CCNY: variants seen among roughly 807,000 people sequenced by gnomAD.
The protein encoded by CCNY is cyclin Y, also known as cyclin-Y.
CCNY carries 19 observed loss-of-function variants against 42.8 expected under a neutral mutation model. The observed-to-expected ratio is 0.44, with a 90% CI of 0.31 to 0.65. CCNY has a LOEUF of 0.65. Ranked by LOEUF, CCNY falls within the 30% of genes least tolerant of loss-of-function variation. The pLI is 0.07. For missense variants in CCNY, 370 were observed against 437.3 expected (o/e 0.85, Z 1.37); for synonymous variants, 165 against 162.7 (o/e 1.01, Z -0.11).
intron 2 of CCNY, among the ~76,000 whole-genome samples, chr10:35,494,089 A>G (rs1204105647): frequency 6.6e-6 from 1 of 152,102 alleles, no homozygotes; most frequent in African/African-American, 2.4e-5. Flanking sequence ...TCCTTGATAA[A>G]GATAGATCGT....
intron 4 of CCNY, among the ~76,000 whole-genome samples, chr10:35,523,400 A>T (rs955731041): frequency 6.6e-6 from 1 of 152,164 alleles, no homozygotes; most frequent in African/African-American, 2.4e-5. Flanking sequence ...GTGTAGAGTG[A>T]AGCTACAAGC....
chr10:35,526,478 T>C (rs1251462123), intron 5 of CCNY, among the ~76,000 whole-genome samples: 1 of 152,204 alleles, frequency 6.6e-6, no homozygotes, highest in Non-Finnish European at 1.5e-5. Context: ...TAAAAGTCAG[T>C]TAAAACAGGG....
intron 4 of CCNY, among the ~76,000 whole-genome samples, chr10:35,518,792 A>T (rs2506113): frequency 1.4e-3 from 161 of 116,392 alleles, no homozygotes; most frequent in African/African-American, 1.7e-3. Context: ...GGCTGAGGTA[A>T]ATTGTGAGTA....
chr10:35,400,186 C>A (rs993341653), intron 1 of CCNY, among the ~76,000 whole-genome samples: 1 of 144,818 alleles, frequency 6.9e-6, no homozygotes, highest in Non-Finnish European at 1.5e-5. Context: ...TAGAAGAATT[C>A]TTTTGGATTT....
At chr10:35,462,272 C>T (rs1839172413) in intron 1 of CCNY, among the ~76,000 whole-genome samples, 1 of 152,280 alleles carries the variant, frequency 6.6e-6, no homozygotes, top group Non-Finnish European at 1.5e-5. Context: ...GTTTTGATGC[C>T]TCTTTAGGAA....
chr10:35,452,013 A>T (rs986800337), intron 1 of CCNY, among the ~76,000 whole-genome samples: 6 of 152,080 alleles, frequency 3.9e-5, no homozygotes, highest in African/African-American at 1.4e-4. Flanking sequence ...TTATTCTTTA[A>T]TAGTTCAAAT....
chr10:35,380,950 C>T (rs1377365609), intron 1 of CCNY, among the ~76,000 whole-genome samples: 2 of 152,132 alleles, frequency 1.3e-5, no homozygotes, highest in Non-Finnish European at 2.9e-5. Flanking sequence ...ACTTTCTGGG[C>T]TTGAAGCGTC....
chr10:35,417,140 A>G (rs1230757446), intron 1 of CCNY, among the ~76,000 whole-genome samples: 2 of 152,214 alleles, frequency 1.3e-5, no homozygotes, highest in African/African-American at 4.8e-5. Flanking sequence ...GCTGATTGCA[A>G]GGATGACCAG....
intron 2 of CCNY, among the ~76,000 whole-genome samples, chr10:35,500,360 C>T (rs565326783): frequency 6.6e-6 from 1 of 152,332 alleles, no homozygotes; most frequent in Admixed American, 6.5e-5. Context: ...GACAAGACTT[C>T]TAAGGAAAAG....
chr10:35,342,306 C>A (rs1391210295), intron 1 of CCNY, among the ~76,000 whole-genome samples: 1 of 152,234 alleles, frequency 6.6e-6, no homozygotes, highest in African/African-American at 2.4e-5. Context: ...ATTAACATTA[C>A]CAGCCCTGGT....
chr10:35,289,144 A>C (rs1835384818), intron 3 of CCNY, among the ~76,000 whole-genome samples: 1 of 152,028 alleles, frequency 6.6e-6, no homozygotes, highest in Non-Finnish European at 1.5e-5. Context: ...ATTGGTTAAA[A>C]ATTTTATTTT....
At chr10:35,338,252 G>A (rs1429680448) in intron 1 of CCNY, among the ~76,000 whole-genome samples, 13 of 152,114 alleles carry the variant, frequency 8.5e-5, no homozygotes, top group Non-Finnish European at 1.5e-5. Flanking sequence ...CTGTGGAAAG[G>A]CCACATTTAA....
rs149286908 is a variant in CCNY, at chr10:35,425,791, A to G, written c.155-57613A>G. Among the ~76,000 whole-genome samples the G allele has an allele frequency of 4.9e-3, 749 of 152,312 alleles. 12 individuals are homozygous for G. The highest frequency in any genetic ancestry group is 0.035 in the Admixed American group (533 of 15,300). On this transcript the variant is annotated intron_variant, in intron 1 of 9. Coordinates refer to ENST00000374704, the MANE Select transcript of CCNY (RefSeq NM_145012.6). ...AACTTTTACATCTGTGTAAATCTGT[A>G]TAAATGTTTAGTTAGATGTATTGCT...
chr10:35,438,879 T>C (rs1459152991), intron 1 of CCNY, among the ~76,000 whole-genome samples: 3 of 152,206 alleles, frequency 2.0e-5, no homozygotes. Context: ...CTTAGTTTCA[T>C]GAAAATATCT....
intron 3 of CCNY, among the ~76,000 whole-genome samples, chr10:35,269,760 G>A (rs1835139794): frequency 6.6e-6 from 1 of 151,672 alleles, no homozygotes. Context: ...CTCTGAAGTA[G>A]CTGGGATTAC....
intron 1 of CCNY, among the ~76,000 whole-genome samples, chr10:35,396,905 A>G (rs558534790): frequency 2.6e-5 from 4 of 152,332 alleles, no homozygotes; most frequent in Non-Finnish European, 4.4e-5. Flanking sequence ...TAGGATTCCA[A>G]TTACAAAGGG....
intron 1 of CCNY, among the ~76,000 whole-genome samples, chr10:35,446,035 A>G (rs1338229766): frequency 6.6e-6 from 1 of 152,226 alleles, no homozygotes; most frequent in Non-Finnish European, 1.5e-5. Flanking sequence ...AAAAATAACC[A>G]GAGTACTCTG....
chr10:35,509,525 C>T (rs1302075428), intron 3 of CCNY, among the ~76,000 whole-genome samples: 1 of 152,198 alleles, frequency 6.6e-6, no homozygotes, highest in African/African-American at 2.4e-5. Flanking sequence ...ATCCAGCTGC[C>T]TTGGCCTCCG....
intron 3 of CCNY, among the ~76,000 whole-genome samples, chr10:35,265,618 G>A (rs770043875): frequency 3.3e-5 from 5 of 152,364 alleles, no homozygotes; most frequent in Middle Eastern, 3.4e-3. Flanking sequence ...CACGCCAAGC[G>A]CCTGAAGGTG....
Sources: allele counts gnomAD v4.1 joint callset (sites outside exome capture counted in the v4.1 genomes callset), GRCh38; gene constraint gnomAD v4.1.1; transcripts MANE v1.5; gene names NCBI Gene and HGNC (gene_info 2026-07-23, HGNC 2026-07-21).